The following MYH11 variants were observed in gnomAD, a reference collection of about 807,000 sequenced individuals.
The protein encoded by MYH11 is myosin heavy chain 11.
MYH11 carries 80 observed loss-of-function variants against 246.6 expected under a neutral mutation model. The ratio of observed to expected loss-of-function variants is 0.32; its 90% CI spans 0.27 to 0.39. The LOEUF (loss-of-function observed/expected upper bound fraction) is 0.39, where lower values mean the gene tolerates loss of function less well. MYH11 is among the 10% of genes least tolerant of loss of function. MYH11 has a pLI of 1.00. For missense variants in MYH11, 2,158 were observed against 2,546.8 expected (o/e 0.85, Z 3.29); for synonymous variants, 1,071 against 1,015.5 (o/e 1.05, Z -1.04).
At chr16:15,791,893 T>A (rs1260651602) in intron 4 of MYH11, 1 of 152,050 alleles carries the variant, frequency 6.6e-6, no homozygotes, top group Non-Finnish European at 1.5e-5. Context: ...CAAGCTGGTC[T>A]CGAACTCCTG....
At chr16:15,798,624 C>CAAA in intron 4 of MYH11, 36 bp downstream of exon 4, 3 of 870,238 alleles carry the variant, frequency 3.4e-6, no homozygotes, top group Non-Finnish European at 3.1e-6. Context: ...AAAAAAAAAA[C>CAAA]AAAAAAAAAA....
intron 3 of MYH11, among the ~76,000 whole-genome samples, chr16:15,812,757 C>G (rs1017642522): frequency 5.9e-5 from 9 of 152,054 alleles, no homozygotes; most frequent in African/African-American, 1.9e-4. Flanking sequence ...GCTGCAGTCC[C>G]AGCTACTTGG....
intron 20 of MYH11, among the ~76,000 whole-genome samples, chr16:15,742,469 C>G (rs1255886557): frequency 6.6e-6 from 1 of 152,114 alleles, no homozygotes; most frequent in Non-Finnish European, 1.5e-5. Context: ...CAGACAGGAA[C>G]AGTGATGCAT....
intron 3 of MYH11, among the ~76,000 whole-genome samples, chr16:15,822,907 G>T (rs2043451957): frequency 6.6e-6 from 1 of 152,258 alleles, no homozygotes; most frequent in African/African-American, 2.4e-5. Context: ...CACAGGGGTT[G>T]AGGGACAGGT....
chr16:15,726,812 A>G, intron 28 of MYH11, 36 bp downstream of exon 28: 2 of 1,606,162 alleles, frequency 1.2e-6, no homozygotes, highest in Non-Finnish European at 1.7e-6. Flanking sequence ...GGCACCACCC[A>G]GCACTGCCCA....
At chr16:15,845,472 A>G (rs1219448379) in intron 1 of MYH11, among the ~76,000 whole-genome samples, 1 of 152,058 alleles carries the variant, frequency 6.6e-6, no homozygotes, top group Non-Finnish European at 1.5e-5. Context: ...CGGTGACTCT[A>G]AGCCACTTCG....
intron 36 of MYH11, 78 bp from the exon 37 acceptor site, chr16:15,718,516 C>T: frequency 6.6e-7 from 1 of 1,519,392 alleles, no homozygotes; most frequent in Non-Finnish European, 8.8e-7. Context: ...AGTCATGCCT[C>T]AGGGGTATTG....
chr16:15,798,036 A>G (rs533131352), intron 4 of MYH11, among the ~76,000 whole-genome samples: 4 of 152,328 alleles, frequency 2.6e-5, no homozygotes, highest in African/African-American at 9.6e-5. Flanking sequence ...TACACATCAG[A>G]TAAACTTCAT....
In MYH11 at chr16:15,759,699, C is replaced by T. The variant is rs1001254484; in HGVS notation, c.1278G>A (p.Lys426=). The change falls in exon 12 of 41, where the codon AAG becomes AAA. Residue 426 remains lysine (K), a synonymous_variant. Transcript: ENST00000300036. ...QADFAVEALA[K]ATYERLFRWI... ...AGCGGAAAAGGCGCTCATATGTTGC[C>T]TTGGCCAAAGCCTCTACAGCAAAGT... is the stretch of plus-strand genomic sequence containing the variant. 6.2e-7 allele frequency: 1 copy of T among 1,614,218 alleles called. No homozygotes were observed. The highest frequency in any genetic ancestry group is 1.3e-5 in the African/African-American group (1 of 75,050).
chr16:15,718,330 G>T lies in MYH11; in HGVS notation c.5280C>A (p.Arg1760=). 3.1e-6 allele frequency: 5 copies of T among 1,609,192 alleles called. No individual in the cohort carries two copies. The highest frequency in any genetic ancestry group is 4.2e-6 in the Non-Finnish European group (5 of 1,179,962). Residue 1760 remains arginine (R), a synonymous_variant, in exon 37 of 41, where the codon CGC becomes CGA. Coordinates refer to ENST00000300036, the MANE Select transcript of MYH11 (RefSeq NM_002474.3). ...CGGCCCTCACCTGCTGTGTGGCTTT[G>T]CGGACCCGGTCGCTCATGGCCTCCA... ...GNMEAMSDRV[R]KATQQAEQLS...
chr16:15,710,267 A>T (rs2039704728), intron 40 of MYH11, among the ~76,000 whole-genome samples: 2 of 152,100 alleles, frequency 1.3e-5, no homozygotes, highest in Non-Finnish European at 2.9e-5. Context: ...TCACGCCTGT[A>T]ACCCCAGCAC....
At chr16:15,753,599 G>T in intron 14 of MYH11, 91 bp from the exon 15 acceptor site, 1 of 959,864 alleles carries the variant, frequency 1.0e-6, no homozygotes, top group Non-Finnish European at 1.7e-6. Flanking sequence ...TGTCCTTCCA[G>T]ATCTTCTGAG....
At chr16:15,749,413 G>GC (rs1194314988) in intron 16 of MYH11, 1 of 152,418 alleles carries the variant, frequency 6.6e-6, no homozygotes, top group Non-Finnish European at 1.5e-5. Context: ...CTTATCCTAG[G>GC]CCCCACCCTG....
At chr16:15,752,527 G>T (rs2041599341) in intron 15 of MYH11, among the ~76,000 whole-genome samples, 1 of 152,080 alleles carries the variant, frequency 6.6e-6, no homozygotes. Flanking sequence ...CCCATCCCTG[G>T]CCCCAGACCT....
chr16:15,743,263 G>A (rs1231952796), intron 20 of MYH11, among the ~76,000 whole-genome samples: 1 of 152,104 alleles, frequency 6.6e-6, no homozygotes, highest in Non-Finnish European at 1.5e-5. Context: ...CTGCCTCCTC[G>A]GTTCAAGTGA....
chr16:15,744,943 G>C (rs1167340173), intron 20 of MYH11, among the ~76,000 whole-genome samples, 186 bp downstream of exon 20: 1 of 152,238 alleles, frequency 6.6e-6, no homozygotes, highest in Non-Finnish European at 1.5e-5. Context: ...TTAAGGTCCT[G>C]GCTATAGCCT....
At position 15,760,590 on chromosome 16, in the gene MYH11, G is replaced by T; in HGVS notation, c.1198C>A (p.Arg400Ser). The T allele has an allele frequency of 6.2e-7, 1 of 1,614,180 alleles. No individual in the cohort carries two copies. The change falls in exon 11 of 41, where the codon CGT (arginine) becomes AGT (serine). Residue 400 changes from arginine to serine, a missense_variant. By Grantham distance (110) the Arg-to-Ser change is moderately radical (BLOSUM62 -1). Coordinates refer to ENST00000300036, the MANE Select transcript of MYH11 (RefSeq NM_002474.3). Reference protein sequence around the residue: ...TDFTRSILTPRIKVGRDVVQK... With the variant: ...TDFTRSILTPSIKVGRDVVQK... ...ACCACATCTCGCCCAACCTTGATAC[G>T]AGGAGTGAGGATGGATCTGGTGAAA...
intron 20 of MYH11, 137 bp from the exon 21 acceptor site, chr16:15,742,028 C>T (rs2151251598): frequency 1.5e-6 from 2 of 1,356,586 alleles, no homozygotes; most frequent in African/African-American, 1.4e-5. Context: ...TCTGGAGACA[C>T]TGCTGATTGT....
chr16:15,817,927 C>A (rs1039683138), intron 3 of MYH11, among the ~76,000 whole-genome samples: 13 of 152,212 alleles, frequency 8.5e-5, no homozygotes, highest in African/African-American at 3.1e-4. Context: ...TCCATCCTGA[C>A]CCTGGTAGGT....
Sources: gnomAD v4.1 joint callset for allele counts (sites outside exome capture counted in the v4.1 genomes callset) on GRCh38, gnomAD v4.1.1 for gene constraint, MANE v1.5 for transcripts, NCBI Gene and HGNC (gene_info 2026-07-23, HGNC 2026-07-21) for gene names.